Variants in PPP4R3B observed in about 807,000 individuals in gnomAD.
PPP4R3B encodes the protein serine/threonine-protein phosphatase 4 regulatory subunit 3B.
PPP4R3B carries 52 observed loss-of-function variants against 95.4 expected under a neutral mutation model. The ratio of observed to expected loss-of-function variants is 0.54; its 90% CI spans 0.44 to 0.69. The LOEUF (loss-of-function observed/expected upper bound fraction) is 0.69. Ranked by LOEUF, PPP4R3B falls within the 30% of genes least tolerant of loss-of-function variation. PPP4R3B has a pLI of 0.00. For synonymous variants in PPP4R3B, 407 were observed against 343.9 expected, an observed-to-expected ratio of 1.18 and a Z score of -2.03; for missense variants, 1,003 against 1,005.9, an observed-to-expected ratio of 1.00 and a Z score of 0.04.
At chr2:55,561,347 T>A (rs1043960488) in intron 15 of PPP4R3B, among the ~76,000 whole-genome samples, 7 of 152,226 alleles carry the variant, frequency 4.6e-5, no homozygotes, top group Admixed American at 1.3e-4. Context: ...AGAGCTCTTA[T>A]GAAGAACCTC....
chr2:55,591,421 G>T, intron 4 of PPP4R3B: 5 of 633,736 alleles, frequency 7.9e-6, no homozygotes, highest in Non-Finnish European at 9.8e-6. Flanking sequence ...AGGACTACAG[G>T]CATGAGCCAC....
intron 2 of PPP4R3B, among the ~76,000 whole-genome samples, chr2:55,610,843 A>T (rs1694062871): frequency 6.6e-6 from 1 of 151,530 alleles, no homozygotes; most frequent in Non-Finnish European, 1.5e-5. Flanking sequence ...AATTGTGTTA[A>T]ATAGGTACAC....
chr2:55,603,427 AGAG>A (rs566951266), intron 3 of PPP4R3B, among the ~76,000 whole-genome samples: 20 of 152,230 alleles, frequency 1.3e-4, no homozygotes, highest in South Asian at 4.1e-4. Context: ...GTTCTAAATA[AGAG>A]GAGATGTTTG....
Position 55,578,323 on chromosome 2 carries a change from G to A in PPP4R3B, c.1488C>T (p.Tyr496=). ...KCEKDFFLKH[Y]RYSWSFICTP... ...TACATATGAAACTCCAACTATATCT[G>A]TAATGTTTTAAAAAAAAATCTGAAA... The change falls in exon 10 of 17, where the codon TAC becomes TAT. Residue 496 remains tyrosine (Y), a synonymous_variant. Coordinates refer to ENST00000616407, the MANE Select transcript of PPP4R3B (RefSeq NM_001122964.3). The A allele has an allele frequency of 1.2e-5, 17 of 1,446,512 alleles. No individual in the cohort carries two copies. Among genetic ancestry groups the A allele is most frequent in the Non-Finnish European group, 1.3e-5 (14 of 1,097,800 alleles). 89.6% of individuals were successfully genotyped at this position (1,446,512 alleles called of 1,614,324 possible). A position where few individuals can be genotyped will look rare whatever the true frequency, so the allele number is the denominator to read the frequency against.
At chr2:55,573,892 T>TTTA in intron 11 of PPP4R3B, 115 bp from the exon 12 acceptor site, 1 of 751,324 alleles carries the variant, frequency 1.3e-6, no homozygotes, top group South Asian at 2.6e-5. Flanking sequence ...CCTCCTTTTT[T>TTTA]TTTTTTTTTT....
chr2:55,579,118 A>C (rs1689093151), intron 9 of PPP4R3B, among the ~76,000 whole-genome samples: 2 of 152,080 alleles, frequency 1.3e-5, no homozygotes, highest in Non-Finnish European at 2.9e-5. Context: ...TTAGATTTTC[A>C]CTCCATTTTA....
chr2:55,609,545 C>T (rs1693875053), intron 2 of PPP4R3B, among the ~76,000 whole-genome samples: 2 of 151,828 alleles, frequency 1.3e-5, no homozygotes, highest in Admixed American at 1.3e-4. Context: ...ATGGTGTGCA[C>T]ACCTACAGTC....
chr2:55,580,004 T>C (rs1171117112), intron 8 of PPP4R3B, among the ~76,000 whole-genome samples: 2 of 152,152 alleles, frequency 1.3e-5, no homozygotes, highest in Non-Finnish European at 2.9e-5. Flanking sequence ...ATCTTATTTC[T>C]GTGGAACTGA....
At position 55,617,258 on chromosome 2, in the gene PPP4R3B, C is replaced by T. The variant is rs776384716; in HGVS notation, c.28G>A (p.Val10Ile). The change falls in exon 1 of 17, where the codon GTC (valine) becomes ATC (isoleucine). Residue 10 changes from valine (V) to isoleucine (I), a missense_variant. Coordinates refer to ENST00000616407, the MANE Select transcript of PPP4R3B (RefSeq NM_001122964.3). Reference protein sequence around the residue: MSDTRRRVKVYTLNEDRQWD... With the variant: MSDTRRRVKIYTLNEDRQWD... ...TGCCGGTCTTCGTTCAGGGTATAGA[C>T]CTTCACTCGCCGCCGCGTATCCGAC... 4 of 1,605,404 alleles carry T rather than the reference C, an allele frequency of 2.5e-6. No individual in the cohort carries two copies. Among genetic ancestry groups the T allele is most frequent in the African/African-American group, 2.7e-5 (2 of 74,704 alleles).
chr2:55,552,601 C>A (rs1685375476), intron 16 of PPP4R3B, among the ~76,000 whole-genome samples: 1 of 152,120 alleles, frequency 6.6e-6, no homozygotes, highest in Non-Finnish European at 1.5e-5. Flanking sequence ...ACCATGTTGG[C>A]CAGGCTGGCC....
intron 16 of PPP4R3B, among the ~76,000 whole-genome samples, chr2:55,552,642 C>T (rs759692845): frequency 2.6e-5 from 4 of 152,160 alleles, no homozygotes; most frequent in African/African-American, 7.2e-5. Flanking sequence ...GATCTGCCCA[C>T]CTCAGACTCC....
chr2:55,588,756 C>T (rs6545507), intron 5 of PPP4R3B, 123 bp downstream of exon 5: 45,167 of 562,582 alleles, frequency 0.08, 4,271 homozygotes, highest in African/African-American at 0.36. Context: ...AATTTAAATA[C>T]ATACTTTTCA....
At chr2:55,574,640 C>A (rs994187668) in intron 11 of PPP4R3B, among the ~76,000 whole-genome samples, 1 of 150,744 alleles carries the variant, frequency 6.6e-6, no homozygotes, top group Non-Finnish European at 1.5e-5. Flanking sequence ...GTCGCCCAGG[C>A]TGGAGTGCAG....
intron 12 of PPP4R3B, among the ~76,000 whole-genome samples, chr2:55,572,978 C>A (rs1028972675): frequency 3.3e-5 from 5 of 151,708 alleles, no homozygotes; most frequent in African/African-American, 1.2e-4. Flanking sequence ...ATATAAAAAA[C>A]ACAAAAAAAT....
intron 16 of PPP4R3B, 120 bp from the exon 17 acceptor site, chr2:55,550,126 A>C (rs1453701155): frequency 2.9e-6 from 2 of 695,866 alleles, no homozygotes; most frequent in Non-Finnish European, 4.8e-6. Context: ...TCAGAAATTA[A>C]CATTTGAATT....
intron 2 of PPP4R3B, among the ~76,000 whole-genome samples, chr2:55,609,095 T>C (rs1187977497): frequency 6.6e-6 from 1 of 152,238 alleles, no homozygotes; most frequent in East Asian, 1.9e-4. Context: ...AGACTCAGTC[T>C]TGAGCTCTGT....
chr2:55,617,442 G>T lies in PPP4R3B; in HGVS notation c.-157C>A. 1 of 897,566 alleles carries T rather than the reference G, an allele frequency of 1.1e-6. No homozygotes were observed. Among genetic ancestry groups the T allele is most frequent in the Non-Finnish European group, 1.6e-6 (1 of 644,140 alleles). 55.6% of individuals were successfully genotyped at this position (897,566 alleles called of 1,614,324 possible). A position where few individuals can be genotyped will look rare whatever the true frequency, so the allele number is the denominator to read the frequency against. ...CATGGCTCCAAAGGTTCAGCCGCGAGAAGGGGTGACAAGAGCCACTGAGGC... is the reference window on the plus strand; with the variant it reads ...CATGGCTCCAAAGGTTCAGCCGCGATAAGGGGTGACAAGAGCCACTGAGGC... On this transcript the variant is annotated 5_prime_UTR_variant, in exon 1 of 17. Transcript: ENST00000616407.
At chr2:55,596,008 G>A (rs1020172351) in intron 4 of PPP4R3B, among the ~76,000 whole-genome samples, 1 of 152,136 alleles carries the variant, frequency 6.6e-6, no homozygotes, top group African/African-American at 2.4e-5. Flanking sequence ...AGGGTGTAAA[G>A]GATTAACATG....
Position 55,550,118 on chromosome 2 carries a change from A to C in PPP4R3B, c.2455-112T>G, listed in dbSNP as rs570921357. On this transcript the variant is annotated intron_variant, in intron 16 of 16. Coordinates refer to ENST00000616407, the MANE Select transcript of PPP4R3B (RefSeq NM_001122964.3). The stretch of plus-strand genomic sequence containing the variant: ...AGAAATCGTTTTTCTAAATCATATC[A>C]GAAATTAACATTTGAATTTGATAAA... 9.8e-6 allele frequency: 7 copies of C among 712,276 alleles called. No individual in the cohort carries two copies. In the Admixed American group the frequency reaches 1.2e-4, roughly 12 times the overall value. 44.1% of individuals were successfully genotyped at this position (712,276 alleles called of 1,614,324 possible). A position where few individuals can be genotyped will look rare whatever the true frequency, so the allele number is the denominator to read the frequency against.
Sources: gnomAD v4.1 joint callset for allele counts (sites outside exome capture counted in the v4.1 genomes callset) on GRCh38, gnomAD v4.1.1 for gene constraint, MANE v1.5 for transcripts, NCBI Gene and HGNC (gene_info 2026-07-23, HGNC 2026-07-21) for gene names.